Variants in RNF144A observed in about 807,000 individuals in gnomAD.
The protein encoded by RNF144A is ring finger protein 144A.
RNF144A carries 11 observed loss-of-function variants against 38.7 expected under a neutral mutation model. The observed-to-expected ratio is 0.28, with a 90% CI of 0.18 to 0.47. RNF144A has a LOEUF of 0.47. Among genes scored for constraint, RNF144A ranks in the 20% least tolerant of loss-of-function variants. The probability of loss-of-function intolerance (pLI) is 0.99; values close to 1 mark genes in which losing one functional copy is unlikely to be tolerated. For synonymous variants in RNF144A, 149 were observed against 143.9 expected (o/e 1.04, Z -0.25); for missense variants, 316 against 377.2 (o/e 0.84, Z 1.34).
intron 5 of RNF144A, among the ~76,000 whole-genome samples, chr2:7,015,239 ACTG>A (rs1671061359): frequency 6.6e-6 from 1 of 152,220 alleles, no homozygotes; most frequent in Non-Finnish European, 1.5e-5. Context: ...CTTACTCACC[ACTG>A]GACACAGACC....
intron 2 of RNF144A, among the ~76,000 whole-genome samples, chr2:6,993,259 G>A (rs1284061532): frequency 3.9e-5 from 6 of 152,154 alleles, no homozygotes; most frequent in African/African-American, 1.4e-4. Flanking sequence ...ATGGTGCTGT[G>A]ACCTGCTTCA....
chr2:7,069,951 T>C (rs187424235), downstream of RNF144A, among the ~76,000 whole-genome samples: 205 of 152,364 alleles, frequency 1.3e-3, no homozygotes, highest in African/African-American at 4.7e-3. Flanking sequence ...TTGAGCTGTC[T>C]TTTTGCGTGC....
intron 2 of RNF144A, among the ~76,000 whole-genome samples, chr2:6,969,022 A>G (rs1032249467): frequency 1.8e-4 from 28 of 152,224 alleles, no homozygotes; most frequent in African/African-American, 6.0e-4. Context: ...GTCCAGGGCT[A>G]TAGCCAATAG....
At chr2:6,926,058 T>C (rs1490489461) in intron 1 of RNF144A, among the ~76,000 whole-genome samples, 1 of 152,242 alleles carries the variant, frequency 6.6e-6, no homozygotes, top group African/African-American at 2.4e-5. Flanking sequence ...AGGTAGGTGC[T>C]TGCTTCCAGG....
In RNF144A at chr2:7,042,505, C is replaced by G. The variant is rs1461576240; in HGVS notation, c.*2745C>G. On this transcript the variant is annotated 3_prime_UTR_variant, in exon 9 of 9. Coordinates refer to ENST00000320892, the MANE Select transcript of RNF144A (RefSeq NM_014746.6). ...GGCGAAGGCCCTTAGACAACCATGGCTGCTGTACTGCCGCCCAGGGTGGGT... is the reference window on the plus strand; with the variant it reads ...GGCGAAGGCCCTTAGACAACCATGGGTGCTGTACTGCCGCCCAGGGTGGGT... The G allele has an allele frequency of 1.0e-6, 1 of 985,422 alleles. No individual in the cohort carries two copies. The highest frequency in any genetic ancestry group is 6.1e-5 in the Admixed American group (1 of 16,278). 61.0% of individuals were successfully genotyped at this position (985,422 alleles called of 1,614,324 possible). A position where few individuals can be genotyped will look rare whatever the true frequency, so the allele number is the denominator to read the frequency against.
chr2:7,020,283 G>T (rs988471586), intron 5 of RNF144A, among the ~76,000 whole-genome samples, 190 bp from the exon 6 acceptor site: 1 of 152,120 alleles, frequency 6.6e-6, no homozygotes, highest in Non-Finnish European at 1.5e-5. Context: ...GAAGGGAGAA[G>T]TTGGGAAGAG....
chr2:7,044,146 C>G lies in RNF144A; in HGVS notation c.*4386C>G, dbSNP rs1673208893. The stretch of plus-strand genomic sequence containing the variant: ...CTTTAGCAGGGATTCCTTTTTAAAG[C>G]TATTTTGGCTGGAATACAGGTGACT... On this transcript the variant is annotated 3_prime_UTR_variant, in exon 9 of 9. Transcript: ENST00000320892. The G allele has an allele frequency of 1.0e-6, 1 of 985,724 alleles. No individual in the cohort carries two copies. 61.1% of individuals were successfully genotyped at this position (985,724 alleles called of 1,614,324 possible).
chr2:7,062,659 T>C (rs1393532396), intron 6 of RNF144A: 1 of 152,172 alleles, frequency 6.6e-6, no homozygotes, highest in East Asian at 1.9e-4. Context: ...TAAAGTTTGC[T>C]CACCACTGAT....
chr2:6,960,035 C>A (rs1448579787), intron 2 of RNF144A, among the ~76,000 whole-genome samples: 2 of 152,254 alleles, frequency 1.3e-5, no homozygotes, highest in African/African-American at 4.8e-5. Context: ...CGGAGACCCT[C>A]CAGCACTCAC....
chr2:6,919,275 G>T (rs559997089), intron 1 of RNF144A, among the ~76,000 whole-genome samples: 1 of 152,206 alleles, frequency 6.6e-6, no homozygotes, highest in African/African-American at 2.4e-5. Flanking sequence ...GTGTGACACC[G>T]TGAACTTTCC....
intron 2 of RNF144A, among the ~76,000 whole-genome samples, chr2:6,992,129 C>T (rs866587806): frequency 6.6e-6 from 1 of 152,214 alleles, no homozygotes; most frequent in African/African-American, 2.4e-5. Flanking sequence ...GGCTTCGACC[C>T]ACACAGCCTT....
At chr2:6,957,540 C>T (rs1667086202) in intron 2 of RNF144A, among the ~76,000 whole-genome samples, 1 of 152,188 alleles carries the variant, frequency 6.6e-6, no homozygotes, top group South Asian at 2.1e-4. Context: ...AGAGAGCTCA[C>T]TGCATAGAGG....
At position 7,038,072 on chromosome 2, in the gene RNF144A, C is replaced by G. The variant is rs114710851; in HGVS notation, c.748-1557C>G. Among the ~76,000 whole-genome samples the G allele has an allele frequency of 1.5e-3, 221 of 152,322 alleles. 1 individual carries two copies. Among genetic ancestry groups the G allele is most frequent in the African/African-American group, 5.2e-3 (216 of 41,568 alleles). On this transcript the variant is annotated intron_variant, in intron 8 of 8. Coordinates refer to ENST00000320892, the MANE Select transcript of RNF144A (RefSeq NM_014746.6). ...GATGATGGCATGTCTGCATTTGAGGCTTATTTCTTTTGGCCTTTACTCATA... is the reference window on the plus strand; with the variant it reads ...GATGATGGCATGTCTGCATTTGAGGGTTATTTCTTTTGGCCTTTACTCATA...
intron 7 of RNF144A, among the ~76,000 whole-genome samples, chr2:7,029,121 G>A (rs1445963954): frequency 1.3e-5 from 2 of 152,234 alleles, no homozygotes; most frequent in Non-Finnish European, 2.9e-5. Flanking sequence ...GTGACTTCCT[G>A]TTTCCTCAGG....
intron 3 of RNF144A, among the ~76,000 whole-genome samples, chr2:6,997,651 G>A (rs548811894): frequency 3.3e-5 from 5 of 152,222 alleles, no homozygotes; most frequent in African/African-American, 7.2e-5. Flanking sequence ...TTTATCTATC[G>A]GAAAAGATAA....
chr2:6,998,675 T>G (rs1669912476), intron 3 of RNF144A, among the ~76,000 whole-genome samples: 1 of 152,152 alleles, frequency 6.6e-6, no homozygotes, highest in East Asian at 1.9e-4. Flanking sequence ...GGAAGTTGCT[T>G]TTGACATTGT....
In RNF144A at chr2:7,040,774, A is replaced by G. The variant is rs1306439609; in HGVS notation, c.*1014A>G. On this transcript the variant is annotated 3_prime_UTR_variant, in exon 9 of 9. Coordinates refer to ENST00000320892, the MANE Select transcript of RNF144A (RefSeq NM_014746.6). ...GCTGGAGGACTCTGGGGGCTAGGGA[A>G]GAGCCTGCCAGATTTTCACATTTTT... The G allele has an allele frequency of 1.0e-6, 1 of 985,376 alleles. No individual in the cohort carries two copies. The highest frequency in any genetic ancestry group is 1.2e-6 in the Non-Finnish European group (1 of 829,958). 61.0% of individuals were successfully genotyped at this position (985,376 alleles called of 1,614,324 possible). A position where few individuals can be genotyped will look rare whatever the true frequency, so the allele number is the denominator to read the frequency against.
chr2:6,961,229 G>T (rs1290228756), intron 2 of RNF144A, among the ~76,000 whole-genome samples: 1 of 151,922 alleles, frequency 6.6e-6, no homozygotes, highest in Non-Finnish European at 1.5e-5. Context: ...ATCACAGAAA[G>T]GTCTATTGCT....
At chr2:6,953,431 A>G (rs1666812836) in intron 2 of RNF144A, among the ~76,000 whole-genome samples, 1 of 152,200 alleles carries the variant, frequency 6.6e-6, no homozygotes, top group Admixed American at 6.5e-5. Flanking sequence ...CTGCGTCTCA[A>G]AAAAAATTTT....
Sources: gnomAD v4.1 joint callset for allele counts (sites outside exome capture counted in the v4.1 genomes callset) on GRCh38, gnomAD v4.1.1 for gene constraint, MANE v1.5 for transcripts, NCBI Gene and HGNC (gene_info 2026-07-23, HGNC 2026-07-21) for gene names.